Variants in DPP6 observed in about 807,000 individuals in gnomAD.
DPP6 encodes dipeptidyl peptidase like 6.
Under a neutral mutation model 122.6 loss-of-function variants are expected in DPP6, and 69 were observed. The ratio of observed to expected loss-of-function variants is 0.56; its 90% confidence interval spans 0.46 to 0.69. The LOEUF is 0.69. Among genes scored for constraint, DPP6 ranks in the 30% least tolerant of loss-of-function variants. The pLI is 0.00. For missense variants in DPP6, 928 were observed against 1,116.9 expected, an observed-to-expected ratio of 0.83 and a Z score of 2.41; for synonymous variants, 418 against 433.1, an observed-to-expected ratio of 0.97 and a Z score of 0.43.
the DPP6 span, among the ~76,000 whole-genome samples, chr7:153,834,386 T>C: frequency 1.3e-5 from 2 of 152,058 alleles, no homozygotes; most frequent in African/African-American, 4.8e-5. Flanking sequence ...TCAGCCATGG[T>C]GTAGATCTGG....
At chr7:154,626,346 C>T (rs556075254) in intron 5 of DPP6, among the ~76,000 whole-genome samples, 17 of 152,284 alleles carry the variant, frequency 1.1e-4, no homozygotes, top group Non-Finnish European at 1.8e-4. Flanking sequence ...GTTGAAATCA[C>T]AAGTGAAATT....
chr7:154,474,561 A>T (rs572680418), intron 2 of DPP6, among the ~76,000 whole-genome samples: 1 of 152,358 alleles, frequency 6.6e-6, no homozygotes, highest in East Asian at 1.9e-4. Flanking sequence ...TGAATGCTTC[A>T]TGATTGACCA....
chr7:154,762,299 C>T (rs933960297), intron 8 of DPP6, among the ~76,000 whole-genome samples: 1 of 152,226 alleles, frequency 6.6e-6, no homozygotes, highest in Non-Finnish European at 1.5e-5. Flanking sequence ...TGGGGAGTCT[C>T]ACGCCCTGGA....
intron 1 of DPP6, among the ~76,000 whole-genome samples, chr7:154,053,540 CTG>C: frequency 6.6e-6 from 1 of 151,460 alleles, no homozygotes; most frequent in East Asian, 2.0e-4. Flanking sequence ...CCTACTCACT[CTG>C]TCCCTTGACT....
chr7:154,373,127 G>A (rs1037390171), intron 1 of DPP6, among the ~76,000 whole-genome samples: 8 of 152,030 alleles, frequency 5.3e-5, no homozygotes, highest in Admixed American at 5.2e-4. Context: ...TTCCAAGTAT[G>A]AGCAAAAAAT....
At chr7:154,363,509 A>G (rs117872827) in intron 1 of DPP6, among the ~76,000 whole-genome samples, 2 of 152,296 alleles carry the variant, frequency 1.3e-5, no homozygotes, top group Non-Finnish European at 1.5e-5. Context: ...TGAGGACCTC[A>G]GGGTTCTCCA....
At chr7:154,059,717 C>G (rs1462739667) in intron 1 of DPP6, among the ~76,000 whole-genome samples, 3 of 150,976 alleles carry the variant, frequency 2.0e-5, no homozygotes, top group African/African-American at 7.4e-5. Flanking sequence ...CCTGGGGCTA[C>G]CCGATCTGAC....
At position 154,872,671 on chromosome 7, in the gene DPP6, C is replaced by A. The variant is rs765030655; in HGVS notation, c.1861C>A (p.His621Asn). The change falls in exon 19 of 26, where the codon CAC becomes AAC. Residue 621 changes from histidine (H) to asparagine (N), a missense_variant. Physicochemically the swap from His to Asn is moderately conservative, Grantham distance 68. Transcript: ENST00000377770. ...LKPATFTDTTHYPLLLVVDGT... is the reference protein window; with the variant it reads ...LKPATFTDTTNYPLLLVVDGT... ...GCCAGCAACCTTCACCGACACCACCCACTACCCTCTGCTCCTGGTGGTGTA... is the reference window on the plus strand; with the variant it reads ...GCCAGCAACCTTCACCGACACCACCAACTACCCTCTGCTCCTGGTGGTGTA... 1.2e-6 allele frequency: 2 copies of A among 1,600,778 alleles called. No individual in the cohort carries two copies. The highest frequency in any genetic ancestry group is 8.5e-7 in the Non-Finnish European group (1 of 1,173,880).
intron 1 of DPP6, among the ~76,000 whole-genome samples, chr7:154,031,799 T>A (rs1464024267): frequency 6.6e-6 from 1 of 151,478 alleles, no homozygotes; most frequent in Non-Finnish European, 1.5e-5. Context: ...TTATCAAATT[T>A]GCATTGTTTA....
At chr7:154,604,317 T>G (rs1833516710) in intron 5 of DPP6, among the ~76,000 whole-genome samples, 1 of 120,558 alleles carries the variant, frequency 8.3e-6, no homozygotes, top group Non-Finnish European at 1.9e-5. Flanking sequence ...CATTAGACAT[T>G]CTATAGCTTT....
chr7:154,066,049 T>G (rs912237818), intron 1 of DPP6, among the ~76,000 whole-genome samples: 1 of 148,166 alleles, frequency 6.7e-6, no homozygotes, highest in Admixed American at 6.9e-5. Flanking sequence ...ATTTGTTTTT[T>G]TTTTTTTTTA....
chr7:153,921,016 T>G (rs563657863), intron 1 of DPP6, among the ~76,000 whole-genome samples: 129 of 152,392 alleles, frequency 8.5e-4, no homozygotes, highest in Non-Finnish European at 1.6e-3. Context: ...GAGGTTGTAT[T>G]TATCTTTCAC....
chr7:154,592,236 C>T (rs1832845386), intron 5 of DPP6, among the ~76,000 whole-genome samples: 2 of 152,204 alleles, frequency 1.3e-5, no homozygotes, highest in Non-Finnish European at 2.9e-5. Context: ...TCCACATGTC[C>T]TTTCTGGCTT....
chr7:153,781,932 T>G, the DPP6 span, among the ~76,000 whole-genome samples: 21 of 147,246 alleles, frequency 1.4e-4, no homozygotes, highest in South Asian at 4.6e-3. Context: ...ATTTATAAAC[T>G]TCTATCATAA....
At chr7:153,798,035 G>T in the DPP6 span, among the ~76,000 whole-genome samples, 1 of 152,002 alleles carries the variant, frequency 6.6e-6, no homozygotes, top group African/African-American at 2.4e-5. Flanking sequence ...GTAGAGACGG[G>T]GTTTCACCAT....
At chr7:154,299,741 A>G (rs1446552433) in intron 1 of DPP6, among the ~76,000 whole-genome samples, 1 of 152,134 alleles carries the variant, frequency 6.6e-6, no homozygotes, top group Non-Finnish European at 1.5e-5. Flanking sequence ...CGGCAGGCCT[A>G]TTTCTTGTAG....
the DPP6 span, among the ~76,000 whole-genome samples, chr7:153,861,633 T>A: frequency 6.6e-6 from 1 of 152,214 alleles, no homozygotes; most frequent in African/African-American, 2.4e-5. Context: ...TTTGGAAAGA[T>A]ATGAGGGAAA....
chr7:154,190,916 T>C (rs1418106814), intron 1 of DPP6, among the ~76,000 whole-genome samples: 1 of 152,232 alleles, frequency 6.6e-6, no homozygotes, highest in Non-Finnish European at 1.5e-5. Flanking sequence ...ATTTCCATTA[T>C]CAGCTGTTTT....
rs181624570 is a variant in DPP6 at position 154,721,016 on chromosome 7, G to A, written c.763-6751G>A. On this transcript the variant is annotated intron_variant, in intron 7 of 25. Transcript: ENST00000377770. ...GACAATGACAGGGAGGCATCCTTCCGTCCCCACCTGGTTCTTCTGTATGGG... is the reference window on the plus strand; with the variant it reads ...GACAATGACAGGGAGGCATCCTTCCATCCCCACCTGGTTCTTCTGTATGGG... 1.5e-4 allele frequency among the ~76,000 whole-genome samples: 23 copies of A among 152,332 alleles called. No individual in the cohort carries two copies. The East Asian group carries it at 2.7e-3, about 18-fold the overall frequency.
Sources: allele counts gnomAD v4.1 joint callset (sites outside exome capture counted in the v4.1 genomes callset), GRCh38; gene constraint gnomAD v4.1.1; transcripts MANE v1.5; gene names NCBI Gene and HGNC (gene_info 2026-07-23, HGNC 2026-07-21).